The following HELLS variants were observed in gnomAD, a reference collection of about 807,000 sequenced individuals.
The protein encoded by HELLS is lymphoid-specific helicase.
HELLS carries 32 observed loss-of-function variants against 120.0 expected under a neutral mutation model. The ratio of observed to expected loss-of-function variants is 0.27; its 90% CI spans 0.20 to 0.36. The LOEUF is 0.36. Among genes scored for constraint, HELLS ranks in the 10% least tolerant of loss-of-function variants. HELLS has a pLI of 1.00. For synonymous variants in HELLS, 341 were observed against 323.4 expected, an observed-to-expected ratio of 1.05 and a Z score of -0.58; for missense variants, 650 against 993.4, an observed-to-expected ratio of 0.65 and a Z score of 4.65.
At chr10:94,597,699 A>AT (rs1564619170) in intron 21 of HELLS, among the ~76,000 whole-genome samples, 1 of 151,860 alleles carries the variant, frequency 6.6e-6, no homozygotes, top group African/African-American at 2.4e-5. Flanking sequence ...CACCTGGCTA[A>AT]TTTTTGTATC....
Position 94,554,158 on chromosome 10 carries a change from A to C in HELLS, c.186A>C (p.Glu62Asp). ...ARMSWDREST[E>D]IRYRRLQHLL... ...TGTCTTGGGATAGAGAGTCGACAGA[A>C]ATTCGGTACCGTAGACTTCAACATT... The change falls in exon 3 of 22, where the codon GAA (glutamate) becomes GAC (aspartate). Residue 62 changes from glutamate (E) to aspartate (D), a missense_variant. Physicochemically the swap from Glu to Asp is conservative, Grantham distance 45. Around this residue, in one of 9 missense-constraint regions of HELLS, gnomAD observed 90 missense variants for 93.6 expected, o/e 0.96. Coordinates refer to ENST00000348459, the MANE Select transcript of HELLS (RefSeq NM_018063.5). The C allele has an allele frequency of 6.3e-7, 1 of 1,581,744 alleles. No individual in the cohort carries two copies. Among genetic ancestry groups the C allele is most frequent in the East Asian group, 2.3e-5 (1 of 43,018 alleles).
At chr10:94,559,041 A>G (rs1022669301) in intron 4 of HELLS, among the ~76,000 whole-genome samples, 2 of 152,124 alleles carry the variant, frequency 1.3e-5, no homozygotes, top group South Asian at 2.1e-4. Context: ...ACTCACTTAC[A>G]TTTATTTGTA....
At chr10:94,554,768 C>T (rs757556946) in intron 3 of HELLS, among the ~76,000 whole-genome samples, 1 of 151,504 alleles carries the variant, frequency 6.6e-6, no homozygotes, top group Non-Finnish European at 1.5e-5. Context: ...TAGCCTCACC[C>T]TCAACTTTGA....
chr10:94,545,918 A>T lies in HELLS; in HGVS notation c.-4A>T, dbSNP rs544217318. 4 of 1,555,048 alleles carry T rather than the reference A, an allele frequency of 2.6e-6. No individual in the cohort carries two copies. Among genetic ancestry groups the T allele is most frequent in the South Asian group, 1.2e-5 (1 of 84,314 alleles). ...GGACCCGGTTCCCGGGTGAGTGTCC[A>T]GGCATGCCAGCGGAACGGCCCGCGG... On this transcript the variant is annotated 5_prime_UTR_variant, in exon 1 of 22. Transcript: ENST00000348459.
intron 10 of HELLS, chr10:94,577,136 CAAAT>C: frequency 1.1e-5 from 5 of 436,776 alleles, no homozygotes; most frequent in Non-Finnish European, 1.7e-5. Flanking sequence ...GTATTTTAAT[CAAAT>C]AAGAGTATTT....
chr10:94,600,642 T>A (rs1041762186), intron 21 of HELLS, among the ~76,000 whole-genome samples: 16 of 152,140 alleles, frequency 1.1e-4, no homozygotes, highest in Non-Finnish European at 1.9e-4. Context: ...TAACTTAGAT[T>A]CTCCTCTCCT....
downstream of HELLS, among the ~76,000 whole-genome samples, chr10:94,604,744 A>G (rs1402170595): frequency 3.3e-5 from 5 of 152,128 alleles, no homozygotes; most frequent in African/African-American, 2.4e-5. Flanking sequence ...AAAGCTTTAG[A>G]TAAGCCATGG....
At chr10:94,608,081 G>A (rs1846147406) in intron 9 of HELLS, 1 of 174,538 alleles carries the variant, frequency 5.7e-6, no homozygotes, top group South Asian at 1.0e-4. Context: ...AGAACATTAA[G>A]TGCTTCTGAT....
intron 6 of HELLS, chr10:94,569,973 C>T (rs1844054581): frequency 6.6e-6 from 1 of 152,032 alleles, no homozygotes; most frequent in African/African-American, 2.4e-5. Flanking sequence ...CTTGTGTTTC[C>T]TGTTAACTAT....
At chr10:94,576,352 A>G (rs1844480731) in intron 9 of HELLS, among the ~76,000 whole-genome samples, 1 of 152,058 alleles carries the variant, frequency 6.6e-6, no homozygotes, top group Non-Finnish European at 1.5e-5. Flanking sequence ...GGATTTCTCC[A>G]TGTTGCTCAG....
chr10:94,605,822 GGTCTC>G (rs1846122625), downstream of HELLS, among the ~76,000 whole-genome samples: 1 of 151,712 alleles, frequency 6.6e-6, no homozygotes, highest in Admixed American at 6.6e-5. Flanking sequence ...GTGGAGACAG[GGTCTC>G]ACCATGTTGC....
chr10:94,572,910 A>G (rs1166590687), intron 7 of HELLS, among the ~76,000 whole-genome samples: 2 of 152,150 alleles, frequency 1.3e-5, no homozygotes, highest in African/African-American at 2.4e-5. Context: ...TTTCCTAATT[A>G]CTACTGAAGT....
intron 12 of HELLS, among the ~76,000 whole-genome samples, chr10:94,585,097 A>G (rs373816641): frequency 2.6e-5 from 4 of 151,986 alleles, no homozygotes; most frequent in East Asian, 3.9e-4. Context: ...AACCTTGCAT[A>G]GTAAAAAAAA....
intron 12 of HELLS, chr10:94,583,866 T>C (rs962234): frequency 1 from 398,193 of 398,262 alleles, 199,062 homozygotes; most frequent in Non-Finnish European, 1. Context: ...TCCCATTGTC[T>C]TGTTCTACTA....
intron 12 of HELLS, among the ~76,000 whole-genome samples, chr10:94,587,088 T>C (rs954981265): frequency 1.3e-5 from 2 of 152,178 alleles, no homozygotes; most frequent in African/African-American, 4.8e-5. Flanking sequence ...CTGTGTTCTC[T>C]TTATAAATGT....
intron 4 of HELLS, among the ~76,000 whole-genome samples, chr10:94,562,340 T>C (rs1391710607): frequency 6.6e-6 from 1 of 151,906 alleles, no homozygotes; most frequent in African/African-American, 2.4e-5. Context: ...CAGGCGGAGG[T>C]TGCAATGAGC....
chr10:94,576,417 G>T (rs1272233102), intron 9 of HELLS, among the ~76,000 whole-genome samples: 1 of 151,922 alleles, frequency 6.6e-6, no homozygotes, highest in East Asian at 1.9e-4. Flanking sequence ...TTCCCAAAGT[G>T]TTGAGATTAT....
chr10:94,559,143 T>C (rs1589710084), intron 4 of HELLS, among the ~76,000 whole-genome samples: 2 of 152,196 alleles, frequency 1.3e-5, no homozygotes, highest in Admixed American at 1.3e-4. Context: ...CCAATACATA[T>C]GTTCCAAGCT....
chr10:94,553,740 G>C (rs564923238), intron 2 of HELLS, among the ~76,000 whole-genome samples: 1 of 151,686 alleles, frequency 6.6e-6, no homozygotes, highest in South Asian at 2.1e-4. Context: ...TAGAGATGGG[G>C]TTTCTCCATG....
Sources: allele counts gnomAD v4.1 joint callset (sites outside exome capture counted in the v4.1 genomes callset), GRCh38; gene constraint gnomAD v4.1.1; regional missense constraint gnomAD v4.1.1; transcripts MANE v1.5; gene names NCBI Gene and HGNC (gene_info 2026-07-23, HGNC 2026-07-21).